Variants in LRBA observed in about 807,000 individuals in gnomAD.
LRBA encodes lipopolysaccharide-responsive and beige-like anchor protein.
Under a neutral mutation model 330.0 loss-of-function variants are expected in LRBA, and 176 were observed. That is an observed-to-expected ratio of 0.53 (90% CI 0.47 to 0.60). The LOEUF (loss-of-function observed/expected upper bound fraction) is 0.60. LRBA is among the 20% of genes least tolerant of loss of function. The pLI is 0.00. For missense variants in LRBA, 3,259 were observed against 3,444.8 expected (o/e 0.95, Z 1.35); for synonymous variants, 1,230 against 1,193.0 (o/e 1.03, Z -0.64).
chr4:150,711,659 T>A (rs939265269), intron 36 of LRBA, among the ~76,000 whole-genome samples: 1 of 152,184 alleles, frequency 6.6e-6, no homozygotes, highest in Non-Finnish European at 1.5e-5. Flanking sequence ...CTAGAGAATA[T>A]GTAAGAAACC....
intron 2 of LRBA, among the ~76,000 whole-genome samples, chr4:150,994,456 T>C (rs186307884): frequency 6.6e-6 from 1 of 152,324 alleles, no homozygotes; most frequent in East Asian, 1.9e-4. Flanking sequence ...AAGCACCTAC[T>C]ACATGTTAGG....
intron 44 of LRBA, among the ~76,000 whole-genome samples, chr4:150,449,714 T>C (rs1753114792): frequency 6.6e-6 from 1 of 152,082 alleles, no homozygotes; most frequent in Non-Finnish European, 1.5e-5. Flanking sequence ...ACTAAGCTTA[T>C]CTATTGACTA....
chr4:150,423,224 C>T (rs1266410270), intron 46 of LRBA: 28 of 1,345,036 alleles, frequency 2.1e-5, no homozygotes, highest in Middle Eastern at 1.9e-4. Flanking sequence ...TTCACCCAAA[C>T]GCTGCCAAGC....
At chr4:150,733,289 G>C (rs1452512067) in intron 36 of LRBA, among the ~76,000 whole-genome samples, 2 of 152,028 alleles carry the variant, frequency 1.3e-5, no homozygotes, top group African/African-American at 4.8e-5. Context: ...TCCTGCCAAT[G>C]TTAATTTTCT....
At chr4:150,395,261 T>C (rs1362436810) in intron 47 of LRBA, among the ~76,000 whole-genome samples, 2 of 152,194 alleles carry the variant, frequency 1.3e-5, no homozygotes, top group South Asian at 2.1e-4. Context: ...ACTGAATTTA[T>C]CTTCCTCAAA....
chr4:150,485,205 C>T (rs1757728875), intron 42 of LRBA, among the ~76,000 whole-genome samples: 8 of 152,082 alleles, frequency 5.3e-5, no homozygotes, highest in Admixed American at 2.6e-4. Flanking sequence ...CTCTAAATTA[C>T]TGACATAACA....
At chr4:150,885,437 A>G (rs113586998) in intron 17 of LRBA, among the ~76,000 whole-genome samples, 37 of 152,258 alleles carry the variant, frequency 2.4e-4, no homozygotes, top group African/African-American at 8.9e-4. Context: ...CCTGACCCAC[A>G]CAGTGAAACC....
chr4:150,747,932 C>G (rs62346308), intron 35 of LRBA, among the ~76,000 whole-genome samples: 13,451 of 152,182 alleles, frequency 0.088, 1,026 homozygotes, highest in African/African-American at 0.22. Context: ...AACTGTCCAA[C>G]TAAAATCTTC....
At chr4:150,851,858 C>T (rs772323817) in intron 23 of LRBA, 27 bp downstream of exon 23, 2 of 1,549,420 alleles carry the variant, frequency 1.3e-6, no homozygotes, top group South Asian at 2.5e-5. Context: ...TGCAAAAGTA[C>T]TTGAATAAGA....
rs1186686509 is a variant in LRBA, at chr4:150,658,623, C to G, written c.5921+24928G>C. On this transcript the variant is annotated intron_variant, in intron 37 of 56. Transcript: ENST00000651943. ...TCCCTCTCCCTCTCCCTCTCCCTCT[C>G]CCTCTGCCTCTCCCTCTCCCTCTCC... 1.8e-4 allele frequency among the ~76,000 whole-genome samples: 4 copies of G among 21,746 alleles called. 1 individual carries two copies. The highest frequency in any genetic ancestry group is 8.7e-4 in the African/African-American group (4 of 4,584). The allele number at this position is 21,746 out of a possible 152,430, so 14.3% of individuals were successfully genotyped here. A position where few individuals can be genotyped will look rare whatever the true frequency, so the allele number is the denominator to read the frequency against.
intron 46 of LRBA, among the ~76,000 whole-genome samples, chr4:150,423,836 C>G (rs1055235519): frequency 6.6e-6 from 1 of 151,896 alleles, no homozygotes. Flanking sequence ...TAAAATGAGT[C>G]CCCCCCACCG....
At chr4:150,662,582 G>A (rs1284472879) in intron 37 of LRBA, among the ~76,000 whole-genome samples, 1 of 152,202 alleles carries the variant, frequency 6.6e-6, no homozygotes, top group East Asian at 1.9e-4. Context: ...GTTTGCAAAG[G>A]TGAAGAAGTT....
intron 40 of LRBA, among the ~76,000 whole-genome samples, chr4:150,557,547 T>A (rs1391312554): frequency 1.3e-5 from 2 of 151,986 alleles, no homozygotes; most frequent in Admixed American, 1.3e-4. Flanking sequence ...TTATATTTAG[T>A]CTTGATGTCT....
chr4:150,600,985 G>C (rs957795020), intron 37 of LRBA, among the ~76,000 whole-genome samples: 1 of 152,120 alleles, frequency 6.6e-6, no homozygotes, highest in Non-Finnish European at 1.5e-5. Flanking sequence ...TCGCCTTCAG[G>C]GGAATGATAC....
chr4:150,598,311 T>A (rs1773727173), intron 38 of LRBA, among the ~76,000 whole-genome samples: 2 of 152,134 alleles, frequency 1.3e-5, no homozygotes, highest in Non-Finnish European at 2.9e-5. Context: ...TGAAATTTTA[T>A]AAAAATTTAT....
intron 35 of LRBA, among the ~76,000 whole-genome samples, chr4:150,740,612 T>C (rs1731812806): frequency 7.4e-6 from 1 of 134,386 alleles, no homozygotes; most frequent in African/African-American, 2.8e-5. Context: ...AAAAATGTGC[T>C]AGAATTCTGC....
chr4:150,930,314 C>CA (rs33957217), intron 2 of LRBA, among the ~76,000 whole-genome samples: 120,063 of 142,512 alleles, frequency 0.84, 52,175 homozygotes, highest in East Asian at 0.99. Context: ...GACTCCGTCT[C>CA]AAAAAAAAAA....
intron 50 of LRBA, among the ~76,000 whole-genome samples, chr4:150,317,362 T>A (rs1176887127): frequency 1.3e-5 from 2 of 152,148 alleles, no homozygotes; most frequent in East Asian, 3.9e-4. Flanking sequence ...CTCCAGTTAG[T>A]AAATACCAAC....
chr4:150,598,106 T>C (rs1214359824), intron 38 of LRBA, among the ~76,000 whole-genome samples: 1 of 152,186 alleles, frequency 6.6e-6, no homozygotes, highest in Non-Finnish European at 1.5e-5. Context: ...ATTTATTTTG[T>C]ATGCTACATA....
Sources: allele counts gnomAD v4.1 joint callset (sites outside exome capture counted in the v4.1 genomes callset), GRCh38; gene constraint gnomAD v4.1.1; transcripts MANE v1.5; gene names NCBI Gene and HGNC (gene_info 2026-07-23, HGNC 2026-07-21).